BTBD7: variants seen among roughly 807,000 people sequenced by gnomAD.
The protein encoded by BTBD7 is BTB domain containing 7, also known as BTB/POZ domain-containing protein 7.
BTBD7 carries 38 observed loss-of-function variants against 99.9 expected under a neutral mutation model. The ratio of observed to expected loss-of-function variants is 0.38; its 90% CI spans 0.29 to 0.50. BTBD7 has a LOEUF of 0.50. BTBD7 is among the 20% of genes least tolerant of loss of function. The pLI is 0.93. For missense variants in BTBD7, 1,170 were observed against 1,394.6 expected, an observed-to-expected ratio of 0.84 and a Z score of 2.57; for synonymous variants, 520 against 511.4, an observed-to-expected ratio of 1.02 and a Z score of -0.23.
chr14:93,294,651 T>C lies in BTBD7; in HGVS notation c.369A>G (p.Pro123=). ...TATCTTTCTGCAATGTCCGGGCTTC[T>C]GGTCTAGCCAAACTGGCTTGTAGAG... is the stretch of plus-strand genomic sequence containing the variant. The part of the protein sequence containing the change: ...ELSLQASLAR[P]EARTLQKDMA... Residue 123 remains proline (P), a synonymous_variant, in exon 3 of 11, where the codon CCA becomes CCG. Transcript: ENST00000334746. 1.9e-6 allele frequency: 3 copies of C among 1,614,184 alleles called. No individual in the cohort carries two copies. The highest frequency in any genetic ancestry group is 2.5e-6 in the Non-Finnish European group (3 of 1,180,046).
At position 93,299,610 on chromosome 14, in the gene BTBD7, GCTGA is replaced by G. The variant is rs544092698; in HGVS notation, c.-106-3457_-106-3454del. 1.3e-3 allele frequency among the ~76,000 whole-genome samples: 189 copies of G among 149,460 alleles called. 1 individual carries two copies. The highest frequency in any genetic ancestry group is 4.4e-3 in the African/African-American group (180 of 40,474). Reference sequence around the variant, plus strand: ...ATATGATCAATCCCAATCAGATGATGCTGACTGTCTTAAACTAAAATAAGCTCCA... The same window carrying G: ...ATATGATCAATCCCAATCAGATGATGCTGTCTTAAACTAAAATAAGCTCCA... On this transcript the variant is annotated intron_variant, in intron 1 of 10. Transcript: ENST00000334746.
chr14:93,240,423 G>C lies in BTBD7; in HGVS notation c.*1850C>G, dbSNP rs1281093615. ...AACTATAGTTTTGGGAGAAATCAGC[G>C]TTGTTGACACCCAATAGAAAACCTA... On this transcript the variant is annotated 3_prime_UTR_variant, in exon 11 of 11. Coordinates refer to ENST00000334746, the MANE Select transcript of BTBD7 (RefSeq NM_001002860.4). The C allele has an allele frequency of 7.9e-5, 12 of 152,636 alleles. No homozygotes were observed. The highest frequency in any genetic ancestry group is 1.5e-4 in the Non-Finnish European group (10 of 68,038). 9.5% of individuals were successfully genotyped at this position (152,636 alleles called of 1,614,324 possible). A position where few individuals can be genotyped will look rare whatever the true frequency, so the allele number is the denominator to read the frequency against.
At chr14:93,296,242 C>T in intron 1 of BTBD7, 85 bp from the exon 2 acceptor site, 2 of 976,354 alleles carry the variant, frequency 2.0e-6, no homozygotes, top group Non-Finnish European at 2.7e-6. Context: ...CTGAAAACTG[C>T]TTTCATTCAC....
chr14:93,270,574 A>C (rs1383484609), intron 3 of BTBD7, among the ~76,000 whole-genome samples: 1 of 151,974 alleles, frequency 6.6e-6, no homozygotes, highest in Non-Finnish European at 1.5e-5. Flanking sequence ...GTGTCTGTAG[A>C]GTCCCAGCTA....
At chr14:93,327,764 GA>G in intron 1 of BTBD7, among the ~76,000 whole-genome samples, 1 of 151,148 alleles carries the variant, frequency 6.6e-6, no homozygotes, top group Non-Finnish European at 1.5e-5. Flanking sequence ...CACAGTACCG[GA>G]AGTCCTAGCT....
intron 1 of BTBD7, among the ~76,000 whole-genome samples, chr14:93,331,821 C>A (rs868464008): frequency 3.3e-5 from 5 of 150,324 alleles, no homozygotes; most frequent in African/African-American, 1.0e-4. Context: ...GCGGAGGTTG[C>A]AGTGAGTCGA....
chr14:93,297,782 G>T (rs2052947213), intron 1 of BTBD7, among the ~76,000 whole-genome samples: 1 of 151,980 alleles, frequency 6.6e-6, no homozygotes, highest in Non-Finnish European at 1.5e-5. Flanking sequence ...TCTCACTCAG[G>T]GTTTACATTT....
intron 1 of BTBD7, among the ~76,000 whole-genome samples, chr14:93,328,482 A>G (rs2053358796): frequency 6.6e-6 from 1 of 152,158 alleles, no homozygotes; most frequent in East Asian, 1.9e-4. Flanking sequence ...AATTTTCAAC[A>G]AAGGTGCCAA....
At chr14:93,243,889 G>A (rs1767884647) in intron 10 of BTBD7, 1 of 157,776 alleles carries the variant, frequency 6.3e-6, no homozygotes, top group African/African-American at 2.4e-5. Flanking sequence ...AACAGAATGG[G>A]AATCTGGTTT....
chr14:93,281,435 C>A (rs2052718887), intron 3 of BTBD7, among the ~76,000 whole-genome samples: 1 of 152,178 alleles, frequency 6.6e-6, no homozygotes, highest in Non-Finnish European at 1.5e-5. Flanking sequence ...CCTCACCTAG[C>A]CCAAAAGGTA....
chr14:93,321,994 G>A (rs757267283), intron 1 of BTBD7, among the ~76,000 whole-genome samples: 30 of 152,142 alleles, frequency 2.0e-4, no homozygotes, highest in South Asian at 6.2e-4. Context: ...GATTCCTGAA[G>A]GAAATAAAAG....
At chr14:93,312,603 G>A (rs557594627) in intron 1 of BTBD7, among the ~76,000 whole-genome samples, 2 of 152,122 alleles carry the variant, frequency 1.3e-5, no homozygotes, top group Non-Finnish European at 2.9e-5. Context: ...TGTCTATAAG[G>A]ACATCTGAGC....
At chr14:93,323,844 A>T (rs1000728993) in intron 1 of BTBD7, among the ~76,000 whole-genome samples, 2 of 152,172 alleles carry the variant, frequency 1.3e-5, no homozygotes, top group Non-Finnish European at 2.9e-5. Flanking sequence ...GAAACTCTTT[A>T]AAAAACTGCT....
chr14:93,256,337 T>C (rs1485322119), intron 6 of BTBD7: 1 of 152,188 alleles, frequency 6.6e-6, no homozygotes, highest in African/African-American at 2.4e-5. Context: ...TTTATAAGCA[T>C]TATATTAAGT....
At chr14:93,278,649 CATCTAAACAT>C (rs2052682467) in intron 3 of BTBD7, among the ~76,000 whole-genome samples, 1 of 152,172 alleles carries the variant, frequency 6.6e-6, no homozygotes, top group South Asian at 2.1e-4. Context: ...CATCTAAACA[CATCTAAACAT>C]TAAAAAAGTA....
chr14:93,288,899 T>C (rs2052812834), intron 3 of BTBD7, among the ~76,000 whole-genome samples: 1 of 152,254 alleles, frequency 6.6e-6, no homozygotes, highest in Non-Finnish European at 1.5e-5. Flanking sequence ...GTAGGTGATT[T>C]CACCATAGGG....
chr14:93,276,589 T>C (rs1476038071), intron 3 of BTBD7, among the ~76,000 whole-genome samples: 2 of 152,148 alleles, frequency 1.3e-5, no homozygotes, highest in Non-Finnish European at 2.9e-5. Context: ...AATCACTGAC[T>C]ACAAAACCAA....
chr14:93,286,375 A>G (rs1254428206), intron 3 of BTBD7, among the ~76,000 whole-genome samples: 2 of 152,206 alleles, frequency 1.3e-5, no homozygotes, highest in Non-Finnish European at 2.9e-5. Flanking sequence ...AACAGTACAA[A>G]GCCCCTGTTC....
chr14:93,251,375 A>G (rs2052365549), intron 8 of BTBD7, 88 bp downstream of exon 8: 3 of 1,333,700 alleles, frequency 2.2e-6, no homozygotes, highest in Admixed American at 4.3e-5. Flanking sequence ...GGAGAGAATT[A>G]GCATATACAG....
Sources: allele counts gnomAD v4.1 joint callset (sites outside exome capture counted in the v4.1 genomes callset), GRCh38; gene constraint gnomAD v4.1.1; transcripts MANE v1.5; gene names NCBI Gene and HGNC (gene_info 2026-07-23, HGNC 2026-07-21).